Variants in ABHD2 observed in about 807,000 individuals in gnomAD.
ABHD2 encodes the protein abhydrolase domain containing 2, acylglycerol lipase, also known as monoacylglycerol lipase ABHD2.
In ABHD2, 20 loss-of-function variants were observed where a neutral mutation model predicts 48.1. The ratio of observed to expected loss-of-function variants is 0.42; its 90% CI spans 0.29 to 0.60. ABHD2 has a LOEUF of 0.60. Ranked by LOEUF, ABHD2 falls within the 20% of genes least tolerant of loss-of-function variation. The pLI is 0.24. For missense variants in ABHD2, 405 were observed against 550.9 expected, an observed-to-expected ratio of 0.74 and a Z score of 2.65; for synonymous variants, 209 against 214.2, an observed-to-expected ratio of 0.98 and a Z score of 0.21.
chr15:89,201,133 T>G lies in ABHD2; in HGVS notation c.*5710T>G. 1 of 1,204,050 alleles carries G rather than the reference T, an allele frequency of 8.3e-7. No individual in the cohort carries two copies. The highest frequency in any genetic ancestry group is 1.2e-6 in the Non-Finnish European group (1 of 809,508). The allele number at this position is 1,204,050 out of a possible 1,614,324, so 74.6% of individuals were successfully genotyped here. A position where few individuals can be genotyped will look rare whatever the true frequency, so the allele number is the denominator to read the frequency against. On this transcript the variant is annotated 3_prime_UTR_variant, in exon 11 of 11. Coordinates refer to ENST00000352732, the MANE Select transcript of ABHD2 (RefSeq NM_152924.5). Reference sequence around the variant, plus strand: ...AAATGGCTGCAATTACAACAAGAAGTGAAGGAAGAAGACTGGTGACATCTC... The same window carrying G: ...AAATGGCTGCAATTACAACAAGAAGGGAAGGAAGAAGACTGGTGACATCTC...
At chr15:89,056,090 C>A in the ABHD2 span, among the ~76,000 whole-genome samples, 2 of 152,096 alleles carry the variant, frequency 1.3e-5, no homozygotes, top group Non-Finnish European at 2.9e-5. Context: ...TGGCCTCAAG[C>A]AATCCTCTGA....
upstream of ABHD2, among the ~76,000 whole-genome samples, chr15:89,083,212 C>T (rs1901308640): frequency 6.6e-6 from 1 of 152,044 alleles, no homozygotes. The surrounding 1 kb of genome is among the most constrained non-coding windows in gnomAD (Gnocchi z 5.1). Flanking sequence ...CACTGCATCT[C>T]GCCTTCTCCG....
chr15:89,119,095 G>A lies in ABHD2; in HGVS notation c.194+2574G>A, dbSNP rs545196920. Reference sequence around the variant, plus strand: ...CTCCTGGTGAAGCCCGAACTAGGGAGTGGTGGAGGTCAGCCTAAGTTAAAG... The same window carrying A: ...CTCCTGGTGAAGCCCGAACTAGGGAATGGTGGAGGTCAGCCTAAGTTAAAG... On this transcript the variant is annotated intron_variant, in intron 3 of 10. Transcript: ENST00000352732. Among the ~76,000 whole-genome samples the A allele has an allele frequency of 3.3e-5, 5 of 152,312 alleles. No individual in the cohort carries two copies. The East Asian group carries it at 9.7e-4, about 29-fold the overall frequency.
At chr15:89,119,829 TC>T (rs2050019489) in intron 3 of ABHD2, among the ~76,000 whole-genome samples, 1 of 152,248 alleles carries the variant, frequency 6.6e-6, no homozygotes, top group South Asian at 2.1e-4. Context: ...TATAACAACC[TC>T]CCATGTGTTG....
At chr15:89,117,142 C>T (rs893511850) in intron 3 of ABHD2, among the ~76,000 whole-genome samples, 3 of 152,188 alleles carry the variant, frequency 2.0e-5, no homozygotes, top group Non-Finnish European at 2.9e-5. Context: ...TCTGGTGTCT[C>T]AGCCTCTGGA....
intron 3 of ABHD2, among the ~76,000 whole-genome samples, chr15:89,143,348 A>G (rs1244659064): frequency 6.6e-6 from 1 of 152,226 alleles, no homozygotes; most frequent in Non-Finnish European, 1.5e-5. Flanking sequence ...GACTGATAGT[A>G]TATATTTATC....
At chr15:89,072,262 G>A in the ABHD2 span, among the ~76,000 whole-genome samples, 1 of 152,116 alleles carries the variant, frequency 6.6e-6, no homozygotes, top group Non-Finnish European at 1.5e-5. Context: ...CATCACTTGA[G>A]GTCAGGATTT....
At chr15:89,109,397 A>G (rs1443375832) in intron 1 of ABHD2, among the ~76,000 whole-genome samples, 1 of 152,202 alleles carries the variant, frequency 6.6e-6, no homozygotes, top group South Asian at 2.1e-4. Context: ...GGTGTGGGCT[A>G]GCCGACAGAG....
intron 4 of ABHD2, among the ~76,000 whole-genome samples, chr15:89,154,880 A>C (rs911901933): frequency 6.6e-6 from 1 of 152,232 alleles, no homozygotes; most frequent in Admixed American, 6.5e-5. Flanking sequence ...ACATATGTAC[A>C]ATTACATCTG....
In ABHD2 at chr15:89,184,761, C is replaced by T. The variant is rs981714004; in HGVS notation, c.723-663C>T. Among the ~76,000 whole-genome samples the T allele has an allele frequency of 6.6e-6, 1 of 152,218 alleles. No homozygotes were observed. The highest frequency in any genetic ancestry group is 1.5e-5 in the Non-Finnish European group (1 of 68,040). ...TTGAAGGGTCAGAGTGTGGCCCTCA[C>T]AGCCACACACTAGTGTGCCAGTCAC... On this transcript the variant is annotated intron_variant, in intron 6 of 10. Coordinates refer to ENST00000352732, the MANE Select transcript of ABHD2 (RefSeq NM_152924.5). The surrounding 1 kb of genome is among the most constrained non-coding windows in gnomAD (Gnocchi z 5.1).
chr15:89,117,808 C>T (rs7177792), intron 3 of ABHD2, among the ~76,000 whole-genome samples: 70,089 of 152,076 alleles, frequency 0.46, 17,368 homozygotes, highest in African/African-American at 0.63. Flanking sequence ...ATCTGAGAGT[C>T]TGGGCCCCTG....
chr15:89,058,650 G>T, the ABHD2 span, among the ~76,000 whole-genome samples: 173 of 152,248 alleles, frequency 1.1e-3, 2 homozygotes, highest in African/African-American at 4.0e-3. Flanking sequence ...TGGACATCGA[G>T]ACTCCTGGAA....
the ABHD2 span, among the ~76,000 whole-genome samples, chr15:89,076,203 ACTT>A: frequency 6.6e-6 from 1 of 152,128 alleles, no homozygotes; most frequent in Non-Finnish European, 1.5e-5. Flanking sequence ...TTTTGCAAAA[ACTT>A]CTTATTTCAC....
chr15:89,060,078 A>C, the ABHD2 span, among the ~76,000 whole-genome samples: 9 of 134,970 alleles, frequency 6.7e-5, no homozygotes, highest in South Asian at 2.4e-4. Context: ...GAACCACTCC[A>C]AGGCCTTTTT....
intron 5 of ABHD2, among the ~76,000 whole-genome samples, chr15:89,161,838 G>A (rs2050766660): frequency 6.6e-6 from 1 of 152,210 alleles, no homozygotes; most frequent in African/African-American, 2.4e-5. Flanking sequence ...AAATACCACA[G>A]TGGGCGTGGC....
chr15:89,112,039 G>A (rs1031564204), intron 1 of ABHD2, among the ~76,000 whole-genome samples: 2 of 152,040 alleles, frequency 1.3e-5, no homozygotes. Context: ...TCCAAAGGTT[G>A]CATATTCAGA....
At chr15:89,068,615 G>A in the ABHD2 span, among the ~76,000 whole-genome samples, 1 of 152,128 alleles carries the variant, frequency 6.6e-6, no homozygotes. Context: ...AAGGTGTCCC[G>A]AGAAAGCAAA....
In ABHD2 at chr15:89,151,649, A is replaced by T. The variant is rs148044185; in HGVS notation, c.195-28A>T. 321 of 1,583,954 alleles carry T rather than the reference A, an allele frequency of 2.0e-4. 1 individual carries two copies. The African/African-American group carries it at 3.5e-3, about 17-fold the overall frequency. On this transcript the variant is annotated intron_variant, in intron 3 of 10. Coordinates refer to ENST00000352732, the MANE Select transcript of ABHD2 (RefSeq NM_152924.5). This position sits in a 1 kb window ranked among gnomAD's most constrained non-coding sequence, Gnocchi z 4.7. ...GAACGTTGCTCAAGGAATGTAGAGAAAATTGACCTCCCTTGTCCTTTCTTT... is the reference window on the plus strand; with the variant it reads ...GAACGTTGCTCAAGGAATGTAGAGATAATTGACCTCCCTTGTCCTTTCTTT...
the ABHD2 span, among the ~76,000 whole-genome samples, chr15:89,071,791 T>C: frequency 6.6e-6 from 1 of 152,186 alleles, no homozygotes; most frequent in Admixed American, 6.5e-5. Context: ...AAGTTATTGC[T>C]ATTGGGTATG....
Sources: allele counts gnomAD v4.1 joint callset (sites outside exome capture counted in the v4.1 genomes callset), GRCh38; gene constraint gnomAD v4.1.1; non-coding constraint Gnocchi (gnomAD v3.1); transcripts MANE v1.5; gene names NCBI Gene and HGNC (gene_info 2026-07-23, HGNC 2026-07-21).